TMEM233: variants seen among roughly 807,000 people sequenced by gnomAD.
TMEM233 encodes transmembrane protein 233.
In TMEM233, 6 loss-of-function variants were observed where a neutral mutation model predicts 11.2. The observed-to-expected ratio is 0.54, with a 90% CI of 0.29 to 1.06. The LOEUF (loss-of-function observed/expected upper bound fraction) is 1.06, where lower values mean the gene tolerates loss of function less well. Among genes scored for constraint, TMEM233 ranks in the 50% least tolerant of loss-of-function variants. The pLI is 0.08. For missense variants in TMEM233, 127 were observed against 144.7 expected, an observed-to-expected ratio of 0.88 and a Z score of 0.63; for synonymous variants, 59 against 55.8, an observed-to-expected ratio of 1.06 and a Z score of -0.26.
chr12:119,601,575 G>A (rs1265317455), intron 1 of TMEM233, among the ~76,000 whole-genome samples: 2 of 151,216 alleles, frequency 1.3e-5, no homozygotes, highest in African/African-American at 2.4e-5. Context: ...GGAGAATGGC[G>A]TGAACCTGAG....
chr12:119,618,006 T>C (rs988394469), intron 1 of TMEM233, among the ~76,000 whole-genome samples: 3 of 152,180 alleles, frequency 2.0e-5, no homozygotes, highest in African/African-American at 7.2e-5. Flanking sequence ...GGAAAATTGT[T>C]TCATGGGCCA....
chr12:119,626,361 T>C (rs1305006692), intron 1 of TMEM233, among the ~76,000 whole-genome samples: 1 of 151,286 alleles, frequency 6.6e-6, no homozygotes, highest in Non-Finnish European at 1.5e-5. Context: ...TCTCAGCTAC[T>C]CAGGAGGCTG....
At chr12:119,630,648 A>C (rs911338368) in intron 2 of TMEM233, among the ~76,000 whole-genome samples, 2 of 152,216 alleles carry the variant, frequency 1.3e-5, no homozygotes, top group African/African-American at 4.8e-5. Flanking sequence ...TCCTCAGGCA[A>C]AGGCGGGGGA....
At chr12:119,640,520 A>G (rs1425934887) in intron 2 of TMEM233, among the ~76,000 whole-genome samples, 179 bp from the exon 3 acceptor site, 1 of 152,196 alleles carries the variant, frequency 6.6e-6, no homozygotes, top group Non-Finnish European at 1.5e-5. Flanking sequence ...CAAATAGAAT[A>G]TGTTTCTCAA....
downstream of TMEM233, among the ~76,000 whole-genome samples, chr12:119,646,348 G>A (rs921061670): frequency 7.2e-5 from 11 of 152,136 alleles, no homozygotes; most frequent in African/African-American, 2.2e-4. Context: ...CATGAGCCAC[G>A]GCACCAGTCC....
At chr12:119,626,344 C>A (rs1046520128) in intron 1 of TMEM233, among the ~76,000 whole-genome samples, 1 of 151,794 alleles carries the variant, frequency 6.6e-6, no homozygotes, top group Non-Finnish European at 1.5e-5. Flanking sequence ...GTGGCAGGCA[C>A]CTTTAGTCTC....
At chr12:119,645,320 C>CAA (rs3078450), downstream of TMEM233, among the ~76,000 whole-genome samples, 63 of 74,798 alleles carry the variant, frequency 8.4e-4, 1 homozygote, top group South Asian at 2.8e-3. Flanking sequence ...CACCAATTAC[C>CAA]AAAAAAAAAA....
intron 2 of TMEM233, among the ~76,000 whole-genome samples, chr12:119,633,430 T>A (rs1219679260): frequency 6.6e-6 from 1 of 151,876 alleles, no homozygotes; most frequent in Non-Finnish European, 1.5e-5. Flanking sequence ...AAAAAAAATT[T>A]TTTTTAATTA....
rs938469255 is a variant in TMEM233 at position 119,594,789 on chromosome 12, G to A, written c.186+755G>A. ...TCTTTAGGCCTTTCTTAGGCTCCCC[G>A]TGTGCCCCCCTCACCAGCAAAGTGG... On this transcript the variant is annotated intron_variant, in intron 1 of 2. Coordinates refer to ENST00000426426, the MANE Select transcript of TMEM233 (RefSeq NM_001136534.3). The surrounding 1 kb of genome is among the most constrained non-coding windows in gnomAD (Gnocchi z 5.6). Among the ~76,000 whole-genome samples, 1 of 152,042 alleles carries A rather than the reference G, an allele frequency of 6.6e-6. No individual in the cohort carries two copies. Among genetic ancestry groups the A allele is most frequent in the African/African-American group, 2.4e-5 (1 of 41,396 alleles).
chr12:119,636,783 C>T (rs1367377815), intron 2 of TMEM233, among the ~76,000 whole-genome samples: 1 of 152,202 alleles, frequency 6.6e-6, no homozygotes, highest in African/African-American at 2.4e-5. Flanking sequence ...CCTGCTAATA[C>T]AGTGGAGCTT....
At chr12:119,645,960 C>T (rs1955146303), downstream of TMEM233, among the ~76,000 whole-genome samples, 1 of 152,120 alleles carries the variant, frequency 6.6e-6, no homozygotes, top group African/African-American at 2.4e-5. Flanking sequence ...TAGAAATGGC[C>T]TGATCACCCC....
At chr12:119,620,331 T>A (rs1954615409) in intron 1 of TMEM233, among the ~76,000 whole-genome samples, 1 of 152,196 alleles carries the variant, frequency 6.6e-6, no homozygotes, top group Admixed American at 6.5e-5. Flanking sequence ...TAGATTTGGA[T>A]AACCTTTCTG....
chr12:119,637,599 G>A (rs1267791365), intron 2 of TMEM233, among the ~76,000 whole-genome samples: 1 of 152,176 alleles, frequency 6.6e-6, no homozygotes, highest in Non-Finnish European at 1.5e-5. Context: ...CTGGGGAAAG[G>A]CTTTCTGGGA....
At chr12:119,653,971 TAA>T in the TMEM233 span, among the ~76,000 whole-genome samples, 56,433 of 139,512 alleles carry the variant, frequency 0.4, 12,550 homozygotes, top group African/African-American at 0.62. Context: ...TCCAAGAAGC[TAA>T]AAAAAAAAAA....
downstream of TMEM233, among the ~76,000 whole-genome samples, chr12:119,647,512 G>C (rs1186150775): frequency 3.9e-5 from 6 of 152,152 alleles, no homozygotes; most frequent in South Asian, 2.1e-4. Flanking sequence ...TGGTCCCCTA[G>C]ATATGGGCTC....
At chr12:119,653,794 A>G in the TMEM233 span, among the ~76,000 whole-genome samples, 1 of 152,118 alleles carries the variant, frequency 6.6e-6, no homozygotes, top group Non-Finnish European at 1.5e-5. Context: ...TAAAGAAAAA[A>G]ATAAGCAGAG....
intron 2 of TMEM233, among the ~76,000 whole-genome samples, chr12:119,638,852 T>C (rs902864651): frequency 6.6e-6 from 1 of 152,176 alleles, no homozygotes; most frequent in Admixed American, 6.5e-5. Flanking sequence ...GCCTGGGCGA[T>C]ATACTGAGAT....
intron 1 of TMEM233, among the ~76,000 whole-genome samples, chr12:119,599,279 A>G (rs995010793): frequency 1.4e-4 from 21 of 152,246 alleles, no homozygotes; most frequent in African/African-American, 5.1e-4. Flanking sequence ...TAAATAACTT[A>G]AAGAGTGTAA....
intron 2 of TMEM233, among the ~76,000 whole-genome samples, chr12:119,639,517 G>C (rs1199250773): frequency 2.0e-5 from 3 of 152,042 alleles, no homozygotes; most frequent in Non-Finnish European, 4.4e-5. Context: ...AGCTACTTGG[G>C]AGGCTGAGGC....
Sources: allele counts gnomAD v4.1 joint callset (sites outside exome capture counted in the v4.1 genomes callset), GRCh38; gene constraint gnomAD v4.1.1; non-coding constraint Gnocchi (gnomAD v3.1); transcripts MANE v1.5; gene names NCBI Gene and HGNC (gene_info 2026-07-23, HGNC 2026-07-21).